The following SNTG1 variants were observed in gnomAD, a reference collection of about 807,000 sequenced individuals.
SNTG1 encodes the protein gamma-1-syntrophin.
Under a neutral mutation model 74.7 loss-of-function variants are expected in SNTG1, and 39 were observed. The observed-to-expected ratio is 0.52, with a 90% CI of 0.40 to 0.68. The LOEUF is 0.68. Ranked by LOEUF, SNTG1 falls within the 30% of genes least tolerant of loss-of-function variation. The probability of loss-of-function intolerance (pLI) is 0.00; values close to 1 mark genes in which losing one functional copy is unlikely to be tolerated. For synonymous variants in SNTG1, 254 were observed against 217.1 expected, an observed-to-expected ratio of 1.17 and a Z score of -1.49; for missense variants, 685 against 609.5, an observed-to-expected ratio of 1.12 and a Z score of -1.30.
chr8:50,117,211 C>T (rs537558149), intron 1 of SNTG1, among the ~76,000 whole-genome samples: 28 of 151,946 alleles, frequency 1.8e-4, no homozygotes, highest in South Asian at 1.7e-3. Flanking sequence ...TATTCAAATG[C>T]CTTTTAGACA....
intron 15 of SNTG1, among the ~76,000 whole-genome samples, chr8:50,696,016 A>G (rs145332862): frequency 2.8e-4 from 43 of 151,998 alleles, no homozygotes; most frequent in Non-Finnish European, 4.7e-4. Context: ...TAGTAGTTCT[A>G]TTTTTATTTC....
chr8:50,660,397 AAG>A (rs1462244544), intron 15 of SNTG1, among the ~76,000 whole-genome samples: 6 of 34,934 alleles, frequency 1.7e-4, no homozygotes, highest in Non-Finnish European at 3.5e-4. Flanking sequence ...AAGGAAGAAA[AAG>A]AGAAAGAAAG....
intron 5 of SNTG1, among the ~76,000 whole-genome samples, chr8:50,442,560 T>A (rs1430409276): frequency 1.3e-5 from 2 of 152,052 alleles, no homozygotes; most frequent in Non-Finnish European, 2.9e-5. Context: ...CTTTTGGGAT[T>A]TTTTGACAGT....
chr8:50,108,727 C>A (rs1316171124), intron 1 of SNTG1, among the ~76,000 whole-genome samples: 1 of 152,090 alleles, frequency 6.6e-6, no homozygotes, highest in Non-Finnish European at 1.5e-5. Flanking sequence ...ATGTCCAGCT[C>A]CTTTGCTGAG....
intron 17 of SNTG1, among the ~76,000 whole-genome samples, chr8:50,739,926 C>T (rs1171028261): frequency 6.6e-6 from 1 of 151,772 alleles, no homozygotes; most frequent in Non-Finnish European, 1.5e-5. Context: ...TGGCCAGTTG[C>T]AGAAGAAATT....
chr8:50,551,520 G>T (rs1187857404), intron 11 of SNTG1, among the ~76,000 whole-genome samples: 1 of 152,104 alleles, frequency 6.6e-6, no homozygotes, highest in African/African-American at 2.4e-5. Context: ...TATAACCAGA[G>T]AGCAGAAAGA....
chr8:50,721,919 A>G (rs989626087), intron 17 of SNTG1, among the ~76,000 whole-genome samples: 9 of 152,100 alleles, frequency 5.9e-5, no homozygotes, highest in Non-Finnish European at 1.2e-4. Flanking sequence ...CATCACACAC[A>G]CTAAATGAAG....
intron 18 of SNTG1, among the ~76,000 whole-genome samples, chr8:50,772,762 G>A (rs773516639): frequency 3.3e-4 from 50 of 152,118 alleles, no homozygotes; most frequent in Non-Finnish European, 6.2e-4. Context: ...TTCAGGTCAT[G>A]GGGGTAGATT....
intron 2 of SNTG1, among the ~76,000 whole-genome samples, chr8:50,258,367 T>C (rs2086984818): frequency 1.3e-5 from 2 of 152,176 alleles, no homozygotes; most frequent in Non-Finnish European, 2.9e-5. Flanking sequence ...AAACATAAAA[T>C]GTTCACTTTT....
chr8:50,469,748 A>G (rs1460653785), intron 8 of SNTG1, among the ~76,000 whole-genome samples: 1 of 152,090 alleles, frequency 6.6e-6, no homozygotes, highest in Non-Finnish European at 1.5e-5. Flanking sequence ...GGAGGCCAAG[A>G]TGGTCAGATC....
chr8:50,611,793 G>T lies in SNTG1; in HGVS notation c.849+20876G>T, dbSNP rs544485399. 2.0e-5 allele frequency among the ~76,000 whole-genome samples: 3 copies of T among 152,146 alleles called. No homozygotes were observed. In the South Asian group the frequency reaches 6.2e-4, roughly 32 times the overall value. ...TTAATTTAATTTTTTTTGAGTCAGG[G>T]TCTCACTCTGTCACCCAGTCTGGAG... On this transcript the variant is annotated intron_variant, in intron 13 of 18. Coordinates refer to ENST00000642720, the MANE Select transcript of SNTG1 (RefSeq NM_018967.5).
At chr8:50,399,245 C>G (rs7825485) in intron 3 of SNTG1, among the ~76,000 whole-genome samples, 26,771 of 84,740 alleles carry the variant, frequency 0.32, 2,623 homozygotes, top group Non-Finnish European at 0.4. Flanking sequence ...GTGATTTATT[C>G]TAAAAAAAAT....
At chr8:50,503,013 G>C (rs910587979) in intron 9 of SNTG1, 133 bp downstream of exon 9, 7 of 659,524 alleles carry the variant, frequency 1.1e-5, no homozygotes, top group African/African-American at 7.3e-5. Context: ...ATATTACAAA[G>C]TGTTCTACTA....
intron 1 of SNTG1, among the ~76,000 whole-genome samples, chr8:50,063,389 T>A (rs1375641311): frequency 6.6e-6 from 1 of 152,212 alleles, no homozygotes; most frequent in African/African-American, 2.4e-5. Flanking sequence ...AAAAGACACA[T>A]GCTTATGAGG....
At chr8:50,545,176 T>C (rs1318955152) in intron 11 of SNTG1, among the ~76,000 whole-genome samples, 1 of 151,882 alleles carries the variant, frequency 6.6e-6, no homozygotes, top group African/African-American at 2.4e-5. Context: ...ACCTGTCATA[T>C]ATAATTGCAA....
At chr8:50,670,188 C>T (rs2095272986) in intron 15 of SNTG1, among the ~76,000 whole-genome samples, 1 of 152,066 alleles carries the variant, frequency 6.6e-6, no homozygotes, top group Non-Finnish European at 1.5e-5. Flanking sequence ...GAAGTTCTGG[C>T]CAGGGCGATT....
intron 1 of SNTG1, among the ~76,000 whole-genome samples, chr8:49,935,575 C>G (rs1044738960): frequency 6.6e-6 from 1 of 150,950 alleles, no homozygotes; most frequent in African/African-American, 2.4e-5. Context: ...CCAGGTGACT[C>G]TATCCAAATG....
chr8:50,317,785 A>G (rs1006399899), intron 2 of SNTG1, among the ~76,000 whole-genome samples: 1 of 152,172 alleles, frequency 6.6e-6, no homozygotes, highest in Non-Finnish European at 1.5e-5. Flanking sequence ...TTTACCTTTC[A>G]AAATGCAGAT....
chr8:50,781,312 T>C (rs1157631182), intron 18 of SNTG1, among the ~76,000 whole-genome samples: 5 of 152,154 alleles, frequency 3.3e-5, no homozygotes, highest in Non-Finnish European at 7.4e-5. Context: ...GGTGTTAAAG[T>C]CTCCCATTAT....
Sources: gnomAD v4.1 joint callset for allele counts (sites outside exome capture counted in the v4.1 genomes callset) on GRCh38, gnomAD v4.1.1 for gene constraint, MANE v1.5 for transcripts, NCBI Gene and HGNC (gene_info 2026-07-23, HGNC 2026-07-21) for gene names.